Variants in SYT1 observed in about 807,000 individuals in gnomAD.
The protein encoded by SYT1 is synaptotagmin-1.
SYT1 carries 8 observed loss-of-function variants against 44.8 expected under a neutral mutation model. That is an observed-to-expected ratio of 0.18 (90% CI 0.10 to 0.32). The LOEUF (loss-of-function observed/expected upper bound fraction) is 0.32. Ranked by LOEUF, SYT1 falls within the 10% of genes least tolerant of loss-of-function variation. The pLI, the probability that SYT1 is intolerant of heterozygous loss-of-function variation, is 1.00. For synonymous variants in SYT1, 154 were observed against 188.8 expected, an observed-to-expected ratio of 0.82 and a Z score of 1.51; for missense variants, 286 against 509.3, an observed-to-expected ratio of 0.56 and a Z score of 4.22.
intron 3 of SYT1, among the ~76,000 whole-genome samples, chr12:79,058,585 T>C (rs574894431): frequency 1.7e-4 from 26 of 152,164 alleles, no homozygotes; most frequent in African/African-American, 6.3e-4. Flanking sequence ...GGGAAATGTC[T>C]AAGAAAAAAT....
intron 4 of SYT1, among the ~76,000 whole-genome samples, chr12:79,257,296 G>A (rs1877574150): frequency 6.6e-6 from 1 of 152,178 alleles, no homozygotes; most frequent in Non-Finnish European, 1.5e-5. Flanking sequence ...TCATTTTGAT[G>A]ATTAGCAGTC....
intron 8 of SYT1, among the ~76,000 whole-genome samples, chr12:79,312,021 T>G (rs929850668): frequency 1.5e-4 from 23 of 151,646 alleles, no homozygotes; most frequent in African/African-American, 5.3e-4. Flanking sequence ...AGTGTAATAA[T>G]AATAAAATAA....
At chr12:79,088,812 G>T (rs536238582) in intron 3 of SYT1, among the ~76,000 whole-genome samples, 4 of 150,272 alleles carry the variant, frequency 2.7e-5, no homozygotes, top group South Asian at 2.1e-4. Flanking sequence ...AGAGAGAAGT[G>T]GTCAAAATCT....
chr12:78,984,014 A>G (rs1361421263), intron 2 of SYT1, among the ~76,000 whole-genome samples: 1 of 151,950 alleles, frequency 6.6e-6, no homozygotes, highest in Non-Finnish European at 1.5e-5. Flanking sequence ...TAGTTTTCAG[A>G]CCTAAATATT....
chr12:79,042,876 G>A (rs1214929860), intron 2 of SYT1, among the ~76,000 whole-genome samples: 3 of 151,738 alleles, frequency 2.0e-5, no homozygotes, highest in African/African-American at 7.3e-5. Flanking sequence ...CCTTCATTTT[G>A]TTATGTACCC....
chr12:79,179,249 GATATAGATATAGAT>G (rs1200345136), intron 3 of SYT1, among the ~76,000 whole-genome samples: 1 of 71,870 alleles, frequency 1.4e-5, no homozygotes, highest in Non-Finnish European at 2.4e-5. Context: ...TATAGATATA[GATATAGATATAGAT>G]ATATAGATAT....
At chr12:79,365,014 T>C (rs1250631633) in intron 9 of SYT1, among the ~76,000 whole-genome samples, 1 of 152,038 alleles carries the variant, frequency 6.6e-6, no homozygotes, top group Non-Finnish European at 1.5e-5. Flanking sequence ...GCTCAAGAAA[T>C]AAAGTTAATC....
intron 8 of SYT1, among the ~76,000 whole-genome samples, chr12:79,328,629 G>A (rs1448130557): frequency 1.3e-5 from 2 of 151,994 alleles, no homozygotes; most frequent in African/African-American, 2.4e-5. Flanking sequence ...GGCAGATCAC[G>A]AGGTTAGGAG....
rs146295843 is a variant in SYT1 at position 79,316,553 on chromosome 12, G to C, written c.810+17002G>C. ...AAAGCTAAAATGACCAGGACCCCAG[G>C]TAATAGTCTATACAGGAATGTGTTG... On this transcript the variant is annotated intron_variant, in intron 8 of 10. Coordinates refer to ENST00000261205, the MANE Select transcript of SYT1 (RefSeq NM_005639.3). 3.3e-5 allele frequency among the ~76,000 whole-genome samples: 5 copies of C among 152,230 alleles called. No homozygotes were observed. In the East Asian group the frequency reaches 9.7e-4, roughly 29 times the overall value.
At chr12:78,882,502 T>C (rs1029811248) in intron 1 of SYT1, among the ~76,000 whole-genome samples, 6 of 151,770 alleles carry the variant, frequency 4.0e-5, no homozygotes, top group Admixed American at 1.3e-4. Flanking sequence ...TGAGAGTAAA[T>C]ATTCAGTTTT....
rs759726029 is a variant in SYT1 at position 78,941,489 on chromosome 12, CTT to C, written c.-216-36309_-216-36308del. 1.2e-4 allele frequency among the ~76,000 whole-genome samples: 18 copies of C among 151,668 alleles called. 1 individual carries two copies. The highest frequency in any genetic ancestry group is 5.9e-4 in the Admixed American group (9 of 15,216). ...GATCATTTTCATTGTTAGAGAAAGT[CTT>C]AGGAAAATTTTATATTTTACATCTA... On this transcript the variant is annotated intron_variant, in intron 1 of 10. Transcript: ENST00000261205.
chr12:79,355,940 C>A (rs1042319439), intron 9 of SYT1, among the ~76,000 whole-genome samples: 2 of 152,000 alleles, frequency 1.3e-5, no homozygotes, highest in Non-Finnish European at 2.9e-5. Context: ...AAGAAGCCAA[C>A]AGATAGCAAA....
intron 2 of SYT1, among the ~76,000 whole-genome samples, chr12:79,040,170 T>C (rs1448329347): frequency 6.6e-6 from 1 of 151,936 alleles, no homozygotes; most frequent in Non-Finnish European, 1.5e-5. Context: ...ATGGTATTTC[T>C]AGTTCCAGAT....
intron 3 of SYT1, among the ~76,000 whole-genome samples, chr12:79,132,553 G>A (rs1162163730): frequency 6.6e-6 from 1 of 151,586 alleles, no homozygotes; most frequent in Non-Finnish European, 1.5e-5. Flanking sequence ...TCTTAACCCG[G>A]TTAGGATGTC....
chr12:79,077,347 A>G (rs1336456514), intron 3 of SYT1, among the ~76,000 whole-genome samples: 5 of 152,212 alleles, frequency 3.3e-5, no homozygotes, highest in South Asian at 2.1e-4. Flanking sequence ...ATTGTATTCA[A>G]TGCTCACAGT....
chr12:79,078,799 C>A (rs529965074), intron 3 of SYT1, among the ~76,000 whole-genome samples: 4 of 152,250 alleles, frequency 2.6e-5, no homozygotes, highest in African/African-American at 9.6e-5. Context: ...TATACACACA[C>A]ACAGAAAGAA....
chr12:79,272,748 A>G (rs1178422926), intron 4 of SYT1, among the ~76,000 whole-genome samples: 1 of 152,220 alleles, frequency 6.6e-6, no homozygotes, highest in Non-Finnish European at 1.5e-5. Flanking sequence ...CTTAAGTAGC[A>G]ACCACATTCA....
chr12:79,353,790 T>C (rs1883005236), intron 9 of SYT1, among the ~76,000 whole-genome samples, 171 bp downstream of exon 9: 1 of 152,192 alleles, frequency 6.6e-6, no homozygotes, highest in African/African-American at 2.4e-5. Context: ...AGGAAGCCAC[T>C]CTCAATTCAT....
At chr12:79,126,683 T>C (rs1868464755) in intron 3 of SYT1, among the ~76,000 whole-genome samples, 1 of 152,148 alleles carries the variant, frequency 6.6e-6, no homozygotes, top group Non-Finnish European at 1.5e-5. Context: ...CACCTCAAAA[T>C]GGTGTTAGTA....
Sources: gnomAD v4.1 joint callset for allele counts (sites outside exome capture counted in the v4.1 genomes callset) on GRCh38, gnomAD v4.1.1 for gene constraint, MANE v1.5 for transcripts, NCBI Gene and HGNC (gene_info 2026-07-23, HGNC 2026-07-21) for gene names.